The following PPFIBP1 variants were observed in gnomAD, a reference collection of about 807,000 sequenced individuals.
PPFIBP1 encodes the protein PPFIB scaffold protein 1.
Under a neutral mutation model 137.8 loss-of-function variants are expected in PPFIBP1, and 112 were observed. The observed-to-expected ratio is 0.81, with a 90% CI of 0.70 to 0.95. The LOEUF (loss-of-function observed/expected upper bound fraction) is 0.95, where lower values mean the gene tolerates loss of function less well. PPFIBP1 is among the 40% of genes least tolerant of loss of function. PPFIBP1 has a pLI of 0.00. For synonymous variants in PPFIBP1, 378 were observed against 417.3 expected (o/e 0.91, Z 1.15); for missense variants, 1,083 against 1,196.6 (o/e 0.91, Z 1.40).
intron 1 of PPFIBP1, among the ~76,000 whole-genome samples, chr12:27,558,819 A>G (rs531653090): frequency 1.3e-5 from 2 of 151,986 alleles, no homozygotes; most frequent in South Asian, 2.1e-4. Flanking sequence ...CCATTAACCT[A>G]TTTTTCTGGA....
intron 1 of PPFIBP1, among the ~76,000 whole-genome samples, chr12:27,569,623 T>C (rs1056937054): frequency 6.6e-6 from 1 of 152,178 alleles, no homozygotes; most frequent in Non-Finnish European, 1.5e-5. Context: ...TGGTACAATC[T>C]CGGCTAACTG....
intron 2 of PPFIBP1, chr12:27,608,600 T>G: frequency 2.6e-6 from 1 of 379,516 alleles, no homozygotes; most frequent in East Asian, 8.5e-5. Flanking sequence ...ATGGGTGAGT[T>G]AGGATTCCCT....
chr12:27,600,401 A>G (rs1002852268), intron 2 of PPFIBP1, among the ~76,000 whole-genome samples: 1 of 151,206 alleles, frequency 6.6e-6, no homozygotes, highest in Non-Finnish European at 1.5e-5. Flanking sequence ...GGGCCACTGC[A>G]CTCCAGCCTG....
intron 1 of PPFIBP1, among the ~76,000 whole-genome samples, chr12:27,576,338 G>C (rs765827822): frequency 9.2e-5 from 14 of 152,170 alleles, no homozygotes; most frequent in Non-Finnish European, 1.5e-4. Flanking sequence ...GGCTGGTGGG[G>C]ATCGGGACAG....
At chr12:27,648,766 G>A (rs560395779) in intron 6 of PPFIBP1, among the ~76,000 whole-genome samples, 16 of 152,222 alleles carry the variant, frequency 1.1e-4, no homozygotes, top group African/African-American at 2.2e-4. Context: ...AACATCTCAC[G>A]TTCTTACTTA....
chr12:27,595,852 TCAA>T (rs1235600375), intron 2 of PPFIBP1, among the ~76,000 whole-genome samples: 2 of 126,622 alleles, frequency 1.6e-5, no homozygotes, highest in African/African-American at 3.4e-5. Context: ...GACACTCTGA[TCAA>T]CAACAACAAC....
At chr12:27,577,358 G>C (rs1418327826) in intron 1 of PPFIBP1, among the ~76,000 whole-genome samples, 23 of 152,262 alleles carry the variant, frequency 1.5e-4, no homozygotes, top group East Asian at 1.2e-3. Flanking sequence ...GAAGGAAACA[G>C]CCACATCCAT....
chr12:27,599,023 A>G (rs2137646586), intron 2 of PPFIBP1, among the ~76,000 whole-genome samples: 1 of 152,346 alleles, frequency 6.6e-6, no homozygotes, highest in African/African-American at 2.4e-5. Flanking sequence ...GAATTGGAAC[A>G]CTTCCTAAGA....
Position 27,646,105 on chromosome 12 carries a change from G to A in PPFIBP1, c.314G>A (p.Arg105Lys). ...LPGNGDVYQE[R>K]LARLENDKES... ...GGGAACGGAGATGTGTATCAAGAAA[G>A]GCTGGCACGTTTAGAAAATGATAAA... Residue 105 changes from arginine (R) to lysine (K), a missense_variant, in exon 5 of 30, where the codon AGG becomes AAG. Physicochemically the swap from Arg to Lys is conservative, Grantham distance 26. Transcript: ENST00000228425. 1 of 1,612,322 alleles carries A rather than the reference G, an allele frequency of 6.2e-7. No individual in the cohort carries two copies. Among genetic ancestry groups the A allele is most frequent in the Non-Finnish European group, 8.5e-7 (1 of 1,178,782 alleles).
chr12:27,530,417 C>G (rs562050365), intron 1 of PPFIBP1, among the ~76,000 whole-genome samples: 1 of 152,170 alleles, frequency 6.6e-6, no homozygotes, highest in Non-Finnish European at 1.5e-5. Flanking sequence ...GATCAGCTGC[C>G]TGGATGGTTT....
At chr12:27,577,539 A>G (rs2050674840) in intron 1 of PPFIBP1, among the ~76,000 whole-genome samples, 1 of 152,204 alleles carries the variant, frequency 6.6e-6, no homozygotes, top group Admixed American at 6.5e-5. Context: ...CTGTTCTTAA[A>G]TATTCTTTTA....
At chr12:27,647,643 C>CCT in intron 5 of PPFIBP1, 86 bp from the exon 6 acceptor site, 1 of 760,592 alleles carries the variant, frequency 1.3e-6, no homozygotes, top group Non-Finnish European at 2.0e-6. Context: ...AGGATCATTC[C>CCT]TTTTTTTGTT....
At chr12:27,533,444 G>A (rs190723615) in intron 1 of PPFIBP1, among the ~76,000 whole-genome samples, 3 of 152,224 alleles carry the variant, frequency 2.0e-5, no homozygotes, top group Admixed American at 2.0e-4. Flanking sequence ...GCACAAGGAG[G>A]CTAAGTAACT....
At chr12:27,671,328 AT>A (rs1169113499) in intron 13 of PPFIBP1, 102 bp from the exon 14 acceptor site, 6 of 632,178 alleles carry the variant, frequency 9.5e-6, no homozygotes, top group Non-Finnish European at 1.6e-5. Context: ...TGATTATGAG[AT>A]TTTGTCAATA....
intron 2 of PPFIBP1, chr12:27,593,834 T>G (rs531947737): frequency 7.5e-7 from 1 of 1,340,736 alleles, no homozygotes; most frequent in Admixed American, 2.7e-5. Context: ...TCTCTTCATG[T>G]GTTTCCTTAT....
intron 1 of PPFIBP1, among the ~76,000 whole-genome samples, chr12:27,544,682 C>A (rs994964738): frequency 1.3e-5 from 2 of 152,080 alleles, no homozygotes; most frequent in African/African-American, 4.8e-5. Flanking sequence ...CAAATGAAAA[C>A]CACAATGAGA....
intron 5 of PPFIBP1, chr12:27,646,350 T>C (rs2058487280): frequency 1.7e-6 from 1 of 598,554 alleles, no homozygotes; most frequent in East Asian, 3.4e-5. Context: ...CTACCATTAA[T>C]CATCCTCAGC....
chr12:27,593,183 T>C (rs2052747623), intron 2 of PPFIBP1, among the ~76,000 whole-genome samples: 1 of 143,996 alleles, frequency 6.9e-6, no homozygotes, highest in Admixed American at 6.9e-5. Context: ...TCAATGTAGA[T>C]ACAGTTTTTA....
At chr12:27,535,045 C>T (rs956462501) in intron 1 of PPFIBP1, among the ~76,000 whole-genome samples, 18 of 152,144 alleles carry the variant, frequency 1.2e-4, no homozygotes, top group African/African-American at 4.3e-4. Context: ...AAGGCTTGTT[C>T]AAGTGTGTAC....
Sources: allele counts gnomAD v4.1 joint callset (sites outside exome capture counted in the v4.1 genomes callset), GRCh38; gene constraint gnomAD v4.1.1; transcripts MANE v1.5; gene names NCBI Gene and HGNC (gene_info 2026-07-23, HGNC 2026-07-21).